Variants in DLGAP2 observed in about 807,000 individuals in gnomAD.
The protein encoded by DLGAP2 is DLG associated protein 2.
In DLGAP2, 26 loss-of-function variants were observed where a neutral mutation model predicts 100.3. That is an observed-to-expected ratio of 0.26 (90% CI 0.19 to 0.36). The LOEUF (loss-of-function observed/expected upper bound fraction) is 0.36. Ranked by LOEUF, DLGAP2 falls within the 10% of genes least tolerant of loss-of-function variation. The pLI is 1.00. For missense variants in DLGAP2, 1,858 were observed against 1,453.2 expected (o/e 1.28, Z -4.53); for synonymous variants, 886 against 630.1 (o/e 1.41, Z -6.08).
At chr8:1,019,520 G>A (rs1466041291) in intron 2 of DLGAP2, 1 of 151,558 alleles carries the variant, frequency 6.6e-6, no homozygotes, top group Non-Finnish European at 1.5e-5. Context: ...TCCCTCTAAA[G>A]AGAGGGGCAG....
At chr8:1,139,032 A>T (rs1796474449) in intron 2 of DLGAP2, among the ~76,000 whole-genome samples, 1 of 152,226 alleles carries the variant, frequency 6.6e-6, no homozygotes, top group Non-Finnish European at 1.5e-5. Flanking sequence ...CTGGTTACGC[A>T]CTGTTCTAGT....
chr8:1,434,999 T>C (rs568764411), intron 3 of DLGAP2, among the ~76,000 whole-genome samples: 82 of 152,302 alleles, frequency 5.4e-4, no homozygotes, highest in Non-Finnish European at 1.0e-3. Flanking sequence ...CATTCAGTAC[T>C]CTGTGTTATT....
At chr8:1,349,242 TAAAC>T (rs1435316290) in intron 3 of DLGAP2, among the ~76,000 whole-genome samples, 1 of 151,552 alleles carries the variant, frequency 6.6e-6, no homozygotes, top group African/African-American at 2.4e-5. Context: ...TTGAGATACT[TAAAC>T]TAGGTGTTTG....
Position 955,637 on chromosome 8 carries a change from CT to C in DLGAP2, c.73+47678del, listed in dbSNP as rs150573098. 2.6e-5 allele frequency among the ~76,000 whole-genome samples: 4 copies of C among 152,072 alleles called. No individual in the cohort carries two copies. In the East Asian group the frequency reaches 7.7e-4, roughly 29 times the overall value. On this transcript the variant is annotated intron_variant, in intron 2 of 14. Transcript: ENST00000637795. The stretch of plus-strand genomic sequence containing the variant: ...CTTGGAGTGACAGTGCTCCGTTTTT[CT>C]TTTTTTCCCCAAAACTTCAAGGCTT...
intron 2 of DLGAP2, among the ~76,000 whole-genome samples, chr8:1,112,120 A>G (rs141840592): frequency 1.3e-3 from 190 of 151,922 alleles, no homozygotes; most frequent in African/African-American, 4.2e-3. Context: ...GTGTGATGAT[A>G]TCTCATTGGG....
At chr8:1,214,439 T>C (rs1798170936) in intron 2 of DLGAP2, among the ~76,000 whole-genome samples, 1 of 152,218 alleles carries the variant, frequency 6.6e-6, no homozygotes, top group Non-Finnish European at 1.5e-5. Context: ...GCAGGGCTGT[T>C]TGGTGGTTTT....
intron 2 of DLGAP2, among the ~76,000 whole-genome samples, chr8:1,201,035 G>T (rs2116757860): frequency 6.6e-6 from 1 of 152,254 alleles, no homozygotes. Flanking sequence ...ACACCTAGAG[G>T]TGAGTGTGGC....
At chr8:877,748 A>C (rs982339143) in intron 1 of DLGAP2, among the ~76,000 whole-genome samples, 4 of 152,048 alleles carry the variant, frequency 2.6e-5, no homozygotes, top group African/African-American at 9.7e-5. Context: ...TGCTCCCGAG[A>C]GCTCCCTTAG....
chr8:917,279 C>A (rs1182111378), intron 2 of DLGAP2, among the ~76,000 whole-genome samples: 2 of 147,318 alleles, frequency 1.4e-5, no homozygotes, highest in Admixed American at 6.7e-5. Context: ...CACTCCATCA[C>A]CCAGGCTGGA....
rs192486153 is a variant in DLGAP2, at chr8:965,878, A to G, written c.73+57912A>G. Among the ~76,000 whole-genome samples the G allele has an allele frequency of 1.4e-3, 214 of 150,928 alleles. 1 individual carries two copies. Among genetic ancestry groups the G allele is most frequent in the South Asian group, 1.5e-3 (7 of 4,762 alleles). ...CAGAGCCCGACCCCCGCATGCACAC[A>G]GCGCTGTTCACCACCGCATGTGGCT... On this transcript the variant is annotated intron_variant, in intron 2 of 14. Coordinates refer to ENST00000637795, the MANE Select transcript of DLGAP2 (RefSeq NM_001346810.2).
chr8:811,167 C>T (rs569094735), intron 1 of DLGAP2, among the ~76,000 whole-genome samples: 8 of 152,380 alleles, frequency 5.3e-5, no homozygotes, highest in South Asian at 2.1e-4. Flanking sequence ...CCTGTGGGCG[C>T]GAGCAAGTAA....
intron 2 of DLGAP2, among the ~76,000 whole-genome samples, chr8:940,671 G>A (rs1799175395): frequency 6.6e-6 from 1 of 152,166 alleles, no homozygotes; most frequent in Non-Finnish European, 1.5e-5. Context: ...GAAAACCAAA[G>A]TTCATTGATG....
At chr8:1,443,110 A>C (rs1046577082) in intron 3 of DLGAP2, among the ~76,000 whole-genome samples, 2 of 152,232 alleles carry the variant, frequency 1.3e-5, no homozygotes, top group African/African-American at 2.4e-5. Flanking sequence ...GAAAGTATGT[A>C]GTTAAAAAAA....
At chr8:1,179,283 A>C (rs1040099755) in intron 2 of DLGAP2, among the ~76,000 whole-genome samples, 5 of 152,164 alleles carry the variant, frequency 3.3e-5, no homozygotes, top group African/African-American at 1.2e-4. Flanking sequence ...GTGGGTGAGC[A>C]CTCAGCTCTC....
At chr8:1,107,572 G>A (rs554591590) in intron 2 of DLGAP2, among the ~76,000 whole-genome samples, 3 of 152,318 alleles carry the variant, frequency 2.0e-5, no homozygotes, top group African/African-American at 7.2e-5. Flanking sequence ...GGAATTCCAG[G>A]GTGGAAACAC....
chr8:943,374 C>T (rs1252162363), intron 2 of DLGAP2, among the ~76,000 whole-genome samples: 1 of 152,236 alleles, frequency 6.6e-6, no homozygotes, highest in Non-Finnish European at 1.5e-5. Flanking sequence ...TATTTTTATG[C>T]ACCGGACACT....
chr8:1,623,568 G>A (rs555098753), intron 6 of DLGAP2, among the ~76,000 whole-genome samples: 18 of 149,658 alleles, frequency 1.2e-4, no homozygotes, highest in East Asian at 9.8e-4. Flanking sequence ...GCACCAGTGC[G>A]TGATGACCTG....
At chr8:1,408,235 A>G (rs1796629191) in intron 3 of DLGAP2, among the ~76,000 whole-genome samples, 1 of 152,206 alleles carries the variant, frequency 6.6e-6, no homozygotes, top group Admixed American at 6.5e-5. Context: ...CTCACTGTCC[A>G]ACTCATTCTC....
intron 14 of DLGAP2, among the ~76,000 whole-genome samples, chr8:1,700,310 C>T (rs771706003): frequency 6.6e-6 from 1 of 152,194 alleles, no homozygotes; most frequent in Non-Finnish European, 1.5e-5. Flanking sequence ...CGCCTTCTGC[C>T]GTGTGCCCTT....
Sources: gnomAD v4.1 joint callset for allele counts (sites outside exome capture counted in the v4.1 genomes callset) on GRCh38, gnomAD v4.1.1 for gene constraint, MANE v1.5 for transcripts, NCBI Gene and HGNC (gene_info 2026-07-23, HGNC 2026-07-21) for gene names.